The following ARB2A variants were observed in gnomAD, a reference collection of about 807,000 sequenced individuals.
ARB2A encodes the protein cotranscriptional regulator ARB2A.
chr5:93,809,026 T>C, the ARB2A span, among the ~76,000 whole-genome samples: 2 of 152,054 alleles, frequency 1.3e-5, no homozygotes, highest in South Asian at 4.1e-4. Flanking sequence ...AATTTAGCTG[T>C]AGATGTACTT....
the ARB2A span, among the ~76,000 whole-genome samples, chr5:93,702,191 G>T: frequency 4.6e-5 from 7 of 152,146 alleles, 1 homozygote; most frequent in Non-Finnish European, 1.0e-4. Context: ...ACATACAAAA[G>T]ATTATCTGAT....
chr5:93,766,737 C>G, the ARB2A span, among the ~76,000 whole-genome samples: 1 of 152,104 alleles, frequency 6.6e-6, no homozygotes, highest in East Asian at 1.9e-4. Flanking sequence ...GACACATGCA[C>G]GTGTATGTTT....
At chr5:94,064,153 T>TA in the ARB2A span, among the ~76,000 whole-genome samples, 6 of 151,858 alleles carry the variant, frequency 4.0e-5, no homozygotes, top group South Asian at 2.1e-4. Flanking sequence ...TGGACAGATA[T>TA]AAAAAAAGAA....
chr5:93,717,524 T>A, the ARB2A span, among the ~76,000 whole-genome samples: 1 of 151,070 alleles, frequency 6.6e-6, no homozygotes, highest in Non-Finnish European at 1.5e-5. Context: ...AAGAGAAAAG[T>A]GCAACAATAC....
At chr5:94,072,806 G>T in the ARB2A span, among the ~76,000 whole-genome samples, 6 of 152,240 alleles carry the variant, frequency 3.9e-5, no homozygotes, top group East Asian at 1.2e-3. Flanking sequence ...CAAAAGAGAT[G>T]ACATAACTTT....
At chr5:94,051,300 G>A in the ARB2A span, among the ~76,000 whole-genome samples, 1 of 152,154 alleles carries the variant, frequency 6.6e-6, no homozygotes, top group Non-Finnish European at 1.5e-5. Flanking sequence ...AATGATTTTG[G>A]AAACATGAAA....
the ARB2A span, among the ~76,000 whole-genome samples, chr5:94,099,407 G>A: frequency 2.0e-5 from 3 of 151,798 alleles, no homozygotes; most frequent in Non-Finnish European, 2.9e-5. Context: ...GGTGGATCAC[G>A]AGGTCAGGAG....
At chr5:93,838,262 T>G in the ARB2A span, among the ~76,000 whole-genome samples, 1 of 152,242 alleles carries the variant, frequency 6.6e-6, no homozygotes, top group Admixed American at 6.5e-5. Flanking sequence ...GGTAGTCCTT[T>G]TCCCATTGCT....
the ARB2A span, among the ~76,000 whole-genome samples, chr5:93,785,080 AT>A: frequency 6.6e-6 from 1 of 152,174 alleles, no homozygotes; most frequent in East Asian, 1.9e-4. Flanking sequence ...CAAACATTAT[AT>A]TTTATAATAA....
the ARB2A span, among the ~76,000 whole-genome samples, chr5:93,791,166 G>C: frequency 2.6e-5 from 4 of 152,112 alleles, no homozygotes; most frequent in Non-Finnish European, 5.9e-5. Context: ...ATTTGGTTTC[G>C]ATTAAATATT....
the ARB2A span, chr5:93,964,502 C>A: frequency 6.3e-7 from 1 of 1,581,398 alleles, no homozygotes; most frequent in South Asian, 1.2e-5. Flanking sequence ...TCCAGGAGCT[C>A]ATATACATAC....
At chr5:93,973,808 C>T in the ARB2A span, among the ~76,000 whole-genome samples, 168 of 152,214 alleles carry the variant, frequency 1.1e-3, no homozygotes, top group African/African-American at 3.9e-3. Flanking sequence ...CATATCCCAC[C>T]CAACTAAGCT....
the ARB2A span, among the ~76,000 whole-genome samples, chr5:93,713,238 G>C: frequency 6.6e-6 from 1 of 152,132 alleles, no homozygotes; most frequent in South Asian, 2.1e-4. Context: ...ACATTGCACA[G>C]ATAAGGAAAC....
At chr5:93,928,356 A>G in the ARB2A span, among the ~76,000 whole-genome samples, 1 of 152,202 alleles carries the variant, frequency 6.6e-6, no homozygotes, top group African/African-American at 2.4e-5. Flanking sequence ...AAATTCATCC[A>G]TAGGCAAATA....
chr5:93,743,811 C>T, the ARB2A span, among the ~76,000 whole-genome samples: 2 of 151,818 alleles, frequency 1.3e-5, no homozygotes, highest in East Asian at 1.9e-4. Context: ...GGATTACAGG[C>T]GCCTGCCACC....
chr5:93,647,971 C>T, the ARB2A span, among the ~76,000 whole-genome samples: 1 of 151,902 alleles, frequency 6.6e-6, no homozygotes, highest in Non-Finnish European at 1.5e-5. Context: ...GGGGAAAACA[C>T]ATCTCTACAA....
the ARB2A span, among the ~76,000 whole-genome samples, chr5:93,638,887 A>G: frequency 1.3e-5 from 2 of 152,188 alleles, no homozygotes; most frequent in African/African-American, 4.8e-5. Context: ...AACCTTGCTA[A>G]ATTATCCTTT....
chr5:93,812,720 T>G, the ARB2A span, among the ~76,000 whole-genome samples: 18 of 152,308 alleles, frequency 1.2e-4, no homozygotes, highest in Admixed American at 1.2e-3. Flanking sequence ...AAGTTTAATA[T>G]GCCTATTTGT....
At chr5:93,896,630 G>T in the ARB2A span, among the ~76,000 whole-genome samples, 1 of 151,950 alleles carries the variant, frequency 6.6e-6, no homozygotes, top group Non-Finnish European at 1.5e-5. Flanking sequence ...AGTCTAATAG[G>T]AATACTAATA....
Sources: allele counts gnomAD v4.1 joint callset (sites outside exome capture counted in the v4.1 genomes callset), GRCh38; gene constraint gnomAD v4.1.1; transcripts MANE v1.5; gene names NCBI Gene and HGNC (gene_info 2026-07-23, HGNC 2026-07-21).